Variants in ADAM2 observed in about 807,000 individuals in gnomAD.
ADAM2 encodes disintegrin and metalloproteinase domain-containing protein 2.
ADAM2 carries 101 observed loss-of-function variants against 99.3 expected under a neutral mutation model. The ratio of observed to expected loss-of-function variants is 1.02; its 90% CI spans 0.87 to 1.20. The LOEUF (loss-of-function observed/expected upper bound fraction) is 1.20, where lower values mean the gene tolerates loss of function less well. Ranked by LOEUF, ADAM2 falls within the 50% of genes most tolerant of loss-of-function variation. The probability of loss-of-function intolerance (pLI) is 0.00; values close to 1 mark genes in which losing one functional copy is unlikely to be tolerated. For synonymous variants in ADAM2, 323 were observed against 287.6 expected, an observed-to-expected ratio of 1.12 and a Z score of -1.25; for missense variants, 948 against 878.7, an observed-to-expected ratio of 1.08 and a Z score of -1.00.
At chr8:39,831,054 T>C (rs2129589161) in intron 3 of ADAM2, among the ~76,000 whole-genome samples, 1 of 152,238 alleles carries the variant, frequency 6.6e-6, no homozygotes, top group Admixed American at 6.5e-5. Context: ...TGCCAGTGCC[T>C]CAATCTTGGA....
At chr8:39,748,065 T>G (rs2129582654) in intron 18 of ADAM2, among the ~76,000 whole-genome samples, 1 of 152,308 alleles carries the variant, frequency 6.6e-6, no homozygotes, top group South Asian at 2.1e-4. Flanking sequence ...ACAATTTTGT[T>G]GGTTATGAAT....
intron 6 of ADAM2, among the ~76,000 whole-genome samples, chr8:39,819,810 G>A (rs966177277): frequency 6.6e-6 from 1 of 151,946 alleles, no homozygotes; most frequent in Non-Finnish European, 1.5e-5. Flanking sequence ...CTCTCTGTAT[G>A]TACTCTCCCT....
intron 1 of ADAM2, among the ~76,000 whole-genome samples, chr8:39,837,607 G>A (rs1430336061): frequency 6.6e-6 from 1 of 151,992 alleles, no homozygotes; most frequent in African/African-American, 2.4e-5. Flanking sequence ...GGATGGTCTC[G>A]ATCTCCTGAC....
At chr8:39,764,907 C>G (rs978942247) in intron 14 of ADAM2, among the ~76,000 whole-genome samples, 1 of 151,898 alleles carries the variant, frequency 6.6e-6, no homozygotes, top group African/African-American at 2.4e-5. Context: ...CACAGCTACT[C>G]AGGAGGCTAG....
chr8:39,781,048 G>A (rs1345141997), intron 10 of ADAM2, among the ~76,000 whole-genome samples: 11 of 146,796 alleles, frequency 7.5e-5, no homozygotes, highest in Admixed American at 2.1e-4. Context: ...TCGCACTCTC[G>A]CCCAGGCTGG....
chr8:39,837,268 T>A, intron 1 of ADAM2, 56 bp from the exon 2 acceptor site: 4 of 1,265,920 alleles, frequency 3.2e-6, no homozygotes, highest in Non-Finnish European at 4.5e-6. Flanking sequence ...CAGAGCGTGT[T>A]TTATGAGTTT....
At chr8:39,813,171 G>A (rs910212657) in intron 6 of ADAM2, among the ~76,000 whole-genome samples, 3 of 152,168 alleles carry the variant, frequency 2.0e-5, no homozygotes, top group Non-Finnish European at 4.4e-5. Context: ...ATGAAAAAAT[G>A]CTCATCATCA....
Position 39,766,821 on chromosome 8 carries a change from T to C in ADAM2, c.1507+27A>G, listed in dbSNP as rs544426438. Reference sequence around the variant, plus strand: ...TTCAGTTTCCAGAAAAAAACGCATATATGAGAAATCAAATGATAATAAATA... The same window carrying C: ...TTCAGTTTCCAGAAAAAAACGCATACATGAGAAATCAAATGATAATAAATA... On this transcript the variant is annotated intron_variant, in intron 14 of 20. Coordinates refer to ENST00000265708, the MANE Select transcript of ADAM2 (RefSeq NM_001464.5). The C allele has an allele frequency of 9.9e-6, 15 of 1,515,298 alleles. No homozygotes were observed. The Admixed American group carries it at 1.7e-4, about 17-fold the overall frequency. 93.9% of individuals were successfully genotyped at this position (1,515,298 alleles called of 1,614,324 possible). A position where few individuals can be genotyped will look rare whatever the true frequency, so the allele number is the denominator to read the frequency against.
At chr8:39,760,236 C>A (rs1802297528) in intron 15 of ADAM2, among the ~76,000 whole-genome samples, 1 of 152,124 alleles carries the variant, frequency 6.6e-6, no homozygotes. Flanking sequence ...TACTATGTAT[C>A]AGTCACCATT....
chr8:39,818,639 T>C (rs1586150531), intron 6 of ADAM2, among the ~76,000 whole-genome samples: 1 of 151,956 alleles, frequency 6.6e-6, no homozygotes, highest in African/African-American at 2.4e-5. Flanking sequence ...AGATAAACTA[T>C]CTTTATTCAA....
chr8:39,822,472 GTTTATTTTTATCT>G (rs768182224), intron 4 of ADAM2, among the ~76,000 whole-genome samples: 10 of 151,792 alleles, frequency 6.6e-5, no homozygotes, highest in African/African-American at 9.7e-5. Context: ...TCCTTTCGCA[GTTTATTTTTATCT>G]TTTATTTTTA....
intron 2 of ADAM2, among the ~76,000 whole-genome samples, chr8:39,835,082 G>C (rs1805767547): frequency 6.6e-6 from 1 of 152,106 alleles, no homozygotes; most frequent in South Asian, 2.1e-4. Context: ...TACGTTCTGA[G>C]GCACCAGGGG....
chr8:39,755,796 A>ATT lies in ADAM2; in HGVS notation c.1727_1728dup (p.Phe577AsnfsTer14), dbSNP rs541381428. The ATT allele has an allele frequency of 4.5e-4, 731 of 1,613,306 alleles. 9 individuals carry two copies. In the East Asian group the frequency reaches 0.015, roughly 34 times the overall value. Reference sequence around the variant, plus strand: ...TGGCTGTCTGCATGATCACTGGCAAATTCCACAGCAATGCAGAGATGTCCA... The same window carrying ATT: ...TGGCTGTCTGCATGATCACTGGCAAATTTTCCACAGCAATGCAGAGATGTCCA... On this transcript the variant is annotated frameshift_variant, in exon 16 of 21. Coordinates refer to ENST00000265708, the MANE Select transcript of ADAM2 (RefSeq NM_001464.5). LOFTEE classifies it high-confidence loss of function.
intron 15 of ADAM2, among the ~76,000 whole-genome samples, chr8:39,759,347 TA>T (rs905438714): frequency 6.6e-6 from 1 of 151,754 alleles, no homozygotes; most frequent in Non-Finnish European, 1.5e-5. Context: ...CCGATAGTAT[TA>T]AAAAAAACTA....
intron 20 of ADAM2, 86 bp downstream of exon 20, chr8:39,744,744 A>G: frequency 1.2e-6 from 1 of 832,736 alleles, no homozygotes; most frequent in Non-Finnish European, 1.9e-6. Flanking sequence ...TGGCACATGT[A>G]TACCTATGTA....
chr8:39,761,723 G>A (rs549292796), intron 14 of ADAM2, among the ~76,000 whole-genome samples: 1 of 152,238 alleles, frequency 6.6e-6, no homozygotes, highest in African/African-American at 2.4e-5. Flanking sequence ...AGTCACAATT[G>A]ATTCATTCAC....
At position 39,769,410 on chromosome 8, in the gene ADAM2, A is replaced by G. The variant is rs749618739; in HGVS notation, c.1194T>C (p.Cys398=). 1.9e-6 allele frequency: 3 copies of G among 1,613,782 alleles called. No individual in the cohort carries two copies. Among genetic ancestry groups the G allele is most frequent in the Non-Finnish European group, 2.5e-6 (3 of 1,179,762 alleles). Residue 398 remains cysteine (C), a synonymous_variant, in exon 12 of 21, where the codon TGT becomes TGC. Transcript: ENST00000265708. Reference sequence around the variant, plus strand: ...TACCAACCTGTTCAGTCCCACAGTCACACTCCTCTCCTGCTTCCAGCTTTG... The same window carrying G: ...TACCAACCTGTTCAGTCCCACAGTCGCACTCCTCTCCTGCTTCCAGCTTTG... ...GNAKLEAGEE[C]DCGTEQDCAL...
intron 3 of ADAM2, among the ~76,000 whole-genome samples, chr8:39,832,913 T>G (rs1805675001): frequency 6.6e-6 from 1 of 152,184 alleles, no homozygotes; most frequent in African/African-American, 2.4e-5. Flanking sequence ...ACATTTTTTC[T>G]AATAGAAAAA....
intron 10 of ADAM2, among the ~76,000 whole-genome samples, chr8:39,779,841 GT>G (rs767719282): frequency 6.6e-6 from 1 of 151,962 alleles, no homozygotes; most frequent in Non-Finnish European, 1.5e-5. Flanking sequence ...TGCCATATAA[GT>G]TTTTTTAGAA....
Sources: allele counts gnomAD v4.1 joint callset (sites outside exome capture counted in the v4.1 genomes callset), GRCh38; gene constraint gnomAD v4.1.1; transcripts MANE v1.5; gene names NCBI Gene and HGNC (gene_info 2026-07-23, HGNC 2026-07-21).